FAM153A: variants seen among roughly 807,000 people sequenced by gnomAD.
The protein encoded by FAM153A is protein FAM153A.
A neutral mutation model predicts 48.1 loss-of-function variants in FAM153A; 12 were observed. The ratio of observed to expected loss-of-function variants is 0.25; its 90% CI spans 0.16 to 0.40. The LOEUF is 0.40. Among genes scored for constraint, FAM153A ranks in the 10% least tolerant of loss-of-function variants. The probability of loss-of-function intolerance (pLI) is 1.00; values close to 1 mark genes in which losing one functional copy is unlikely to be tolerated. For synonymous variants in FAM153A, 36 were observed against 118.2 expected, an observed-to-expected ratio of 0.30 and a Z score of 4.51; for missense variants, 111 against 345.8, an observed-to-expected ratio of 0.32 and a Z score of 5.38.
At chr5:177,725,845 C>T (rs1180145765) in intron 18 of FAM153A, among the ~76,000 whole-genome samples, 166 of 152,102 alleles carry the variant, frequency 1.1e-3, no homozygotes, top group Middle Eastern at 3.4e-3. Context: ...CTTAGGATTC[C>T]TGCCAGCCAC....
downstream of FAM153A, among the ~76,000 whole-genome samples, chr5:177,709,693 C>G (rs1359548283): frequency 7.8e-6 from 1 of 127,910 alleles, no homozygotes; most frequent in South Asian, 2.8e-4. Context: ...TTTTTTTGAC[C>G]AAGTTTTGCT....
intron 18 of FAM153A, among the ~76,000 whole-genome samples, chr5:177,725,782 G>A (rs1294500057): frequency 1.3e-5 from 2 of 151,906 alleles, no homozygotes; most frequent in Non-Finnish European, 2.9e-5. Flanking sequence ...CAGGCTACAG[G>A]GAGGGTGAGA....
chr5:177,754,491 G>T (rs1486466996), upstream of FAM153A, among the ~76,000 whole-genome samples: 1 of 151,844 alleles, frequency 6.6e-6, no homozygotes, highest in Non-Finnish European at 1.5e-5. Context: ...GAGAGTAGTG[G>T]TTCTCCCGGC....
chr5:177,781,128 G>T (rs1213025007), upstream of FAM153A, among the ~76,000 whole-genome samples: 2 of 99,352 alleles, frequency 2.0e-5, no homozygotes, highest in Non-Finnish European at 4.0e-5. Flanking sequence ...CAGGCCGGGC[G>T]CGGTGGCTCA....
intron 1 of FAM153A, among the ~76,000 whole-genome samples, chr5:177,759,214 A>G (rs938287503): frequency 6.6e-6 from 1 of 151,930 alleles, no homozygotes; most frequent in African/African-American, 2.4e-5. Context: ...GACACATGAA[A>G]AAATGCTCAT....
intron 25 of FAM153A, among the ~76,000 whole-genome samples, chr5:177,714,441 AAT>A (rs1759193388): frequency 6.6e-6 from 1 of 150,602 alleles, no homozygotes; most frequent in East Asian, 1.9e-4. Flanking sequence ...TTATAAAATA[AAT>A]AGACTTCCTT....
At chr5:177,753,629 T>C (rs555856269), upstream of FAM153A, among the ~76,000 whole-genome samples, 2,954 of 149,828 alleles carry the variant, frequency 0.02, 124 homozygotes, top group African/African-American at 0.069. Flanking sequence ...TATTCCTGAG[T>C]CACCAGAGAG....
At chr5:177,745,888 G>A (rs1317356534) in intron 4 of FAM153A, among the ~76,000 whole-genome samples, 1 of 151,614 alleles carries the variant, frequency 6.6e-6, no homozygotes, top group African/African-American at 2.4e-5. Context: ...AAAGCCCACT[G>A]TGCAATGTAC....
At chr5:177,711,517 T>G (rs914930308) in exon 27 of FAM153A, 5 of 151,972 alleles carry the variant, frequency 3.3e-5, no homozygotes, top group Admixed American at 2.6e-4. Flanking sequence ...ATAAAATTGT[T>G]AGACGATTAT....
At chr5:177,695,429 TG>T in the FAM153A span, among the ~76,000 whole-genome samples, 35 of 150,586 alleles carry the variant, frequency 2.3e-4, no homozygotes, top group African/African-American at 8.1e-4. Flanking sequence ...TTTGTGTCCC[TG>T]GGTCCTTGAG....
At chr5:177,735,308 C>T (rs1043699058) in intron 12 of FAM153A, among the ~76,000 whole-genome samples, 1 of 138,000 alleles carries the variant, frequency 7.2e-6, no homozygotes, top group African/African-American at 2.9e-5. Context: ...TAAGAAGCAA[C>T]CTTTCTTAAA....
At chr5:177,765,318 A>G in intron 1 of FAM153A, among the ~76,000 whole-genome samples, 1 of 104,166 alleles carries the variant, frequency 9.6e-6, no homozygotes, top group African/African-American at 3.8e-5. Context: ...GACCATGTGA[A>G]TTGCTCGGAA....
chr5:177,705,511 G>C (rs1757796668), downstream of FAM153A, among the ~76,000 whole-genome samples: 1 of 150,820 alleles, frequency 6.6e-6, no homozygotes, highest in Non-Finnish European at 1.5e-5. Flanking sequence ...CTCAGTCTCA[G>C]GTATTTATTT....
rs1352748583 is a variant in FAM153A at position 177,772,931 on chromosome 5, C to T, written c.-57+7518G>A. Among the ~76,000 whole-genome samples, 3 of 17,546 alleles carry T rather than the reference C, an allele frequency of 1.7e-4. 1 individual carries two copies. The highest frequency in any genetic ancestry group is 2.6e-3 in the East Asian group (2 of 780). The allele number at this position is 17,546 out of a possible 152,430, so 11.5% of individuals were successfully genotyped here. On this transcript the variant is annotated intron_variant, in intron 1 of 8. Transcript: ENST00000393518. ...AGATCTGAGAACGGGCAGACTGCCT[C>T]CTCAAGTGGGTCCCTGACCCCTGAC...
the FAM153A span, among the ~76,000 whole-genome samples, chr5:177,701,228 C>T: frequency 3.3e-5 from 5 of 151,810 alleles, no homozygotes; most frequent in African/African-American, 1.2e-4. Context: ...TCCTGTACAG[C>T]CTGTAAAATC....
chr5:177,696,224 T>C, the FAM153A span, among the ~76,000 whole-genome samples: 1 of 91,468 alleles, frequency 1.1e-5, no homozygotes, highest in Non-Finnish European at 2.1e-5. Flanking sequence ...TCCCAGATGA[T>C]GGGTGGCCGG....
chr5:177,753,484 A>G (rs959190604), upstream of FAM153A, among the ~76,000 whole-genome samples: 1 of 149,068 alleles, frequency 6.7e-6, no homozygotes, highest in Non-Finnish European at 1.5e-5. Context: ...AACAAACATT[A>G]AAGGAGGAAA....
At chr5:177,756,095 C>G (rs1290711138), upstream of FAM153A, among the ~76,000 whole-genome samples, 1 of 150,032 alleles carries the variant, frequency 6.7e-6, no homozygotes, top group Non-Finnish European at 1.5e-5. Flanking sequence ...AAACCCATCT[C>G]ACGTGCAGAG....
chr5:177,704,515 G>A (rs1342304948), downstream of FAM153A, among the ~76,000 whole-genome samples: 6 of 118,082 alleles, frequency 5.1e-5, no homozygotes, highest in South Asian at 2.0e-3. Context: ...TTGGACCATG[G>A]AGGCGGTTTC....
Sources: allele counts gnomAD v4.1 joint callset (sites outside exome capture counted in the v4.1 genomes callset), GRCh38; gene constraint gnomAD v4.1.1; transcripts MANE v1.5; gene names NCBI Gene and HGNC (gene_info 2026-07-23, HGNC 2026-07-21).